POGZ: variants seen among roughly 807,000 people sequenced by gnomAD.
POGZ encodes pogo transposable element with ZNF domain.
POGZ carries 17 observed loss-of-function variants against 134.6 expected under a neutral mutation model. The ratio of observed to expected loss-of-function variants is 0.13; its 90% CI spans 0.09 to 0.19. POGZ has a LOEUF of 0.19. POGZ is among the 10% of genes least tolerant of loss of function. The probability of loss-of-function intolerance (pLI) is 1.00; values close to 1 mark genes in which losing one functional copy is unlikely to be tolerated. For synonymous variants in POGZ, 693 were observed against 657.1 expected (o/e 1.05, Z -0.84); for missense variants, 1,306 against 1,769.7 (o/e 0.74, Z 4.70).
At position 151,412,340 on chromosome 1, in the gene POGZ, T is replaced by A; in HGVS notation, c.1735A>T (p.Met579Leu). ...TCTCCAGGCTTATGAGTATCCTTCA[T>A]ATGCTGGAGAAATAGTGGCTCACTT... ...FESEPLFLQHMKDTHKPGEMP... is the reference protein window; with the variant it reads ...FESEPLFLQHLKDTHKPGEMP... The change falls in exon 11 of 19, where the codon ATG becomes TTG. Residue 579 changes from methionine to leucine, a missense_variant. Around this residue, in one of 10 missense-constraint regions of POGZ, gnomAD observed 149 missense variants for 237.5 expected, o/e 0.63. Transcript: ENST00000271715. 1 of 1,611,090 alleles carries A rather than the reference T, an allele frequency of 6.2e-7. No homozygotes were observed. The highest frequency in any genetic ancestry group is 8.5e-7 in the Non-Finnish European group (1 of 1,177,452).
Position 151,404,128 on chromosome 1 carries a change from C to T in POGZ, c.*674G>A. On this transcript the variant is annotated 3_prime_UTR_variant, in exon 19 of 19. Transcript: ENST00000271715. ...GTGGTTTCATGCATTTTTAAAGCCA[C>T]AATTTTATATCTAGGGTTGCTGTAG... The T allele has an allele frequency of 1.0e-6, 1 of 985,266 alleles. No individual in the cohort carries two copies. The highest frequency in any genetic ancestry group is 1.2e-6 in the Non-Finnish European group (1 of 829,754). 61.0% of individuals were successfully genotyped at this position (985,266 alleles called of 1,614,324 possible).
Position 151,404,442 on chromosome 1 carries a change from G to A in POGZ, c.*360C>T. On this transcript the variant is annotated 3_prime_UTR_variant, in exon 19 of 19. Coordinates refer to ENST00000271715, the MANE Select transcript of POGZ (RefSeq NM_015100.4). The stretch of plus-strand genomic sequence containing the variant: ...CTATGATACAATTGAGGTAAAAGGG[G>A]AAACAAAAAAATTTAACATTTGCCC... 4 of 1,004,158 alleles carry A rather than the reference G, an allele frequency of 4.0e-6. No individual in the cohort carries two copies. Among genetic ancestry groups the A allele is most frequent in the Non-Finnish European group, 4.8e-6 (4 of 841,334 alleles). 62.2% of individuals were successfully genotyped at this position (1,004,158 alleles called of 1,614,324 possible).
chr1:151,405,151 T>A lies in POGZ; in HGVS notation c.3884A>T (p.Asp1295Val), dbSNP rs759690620. 1.2e-6 allele frequency: 2 copies of A among 1,614,182 alleles called. No homozygotes were observed. The highest frequency in any genetic ancestry group is 2.2e-5 in the South Asian group (2 of 91,080). ...GACAAGCACCAGCTGAAGCAGGACA[T>A]CAGAATCACATGCAGTATCTGCCAT... is the stretch of plus-strand genomic sequence containing the variant. ...REMADTACDS[D>V]VLLQLVLVWL... The change falls in exon 19 of 19, where the codon GAT (aspartate) becomes GTT (valine). Residue 1295 changes from aspartate (D) to valine (V), a missense_variant. Around this residue, in one of 10 missense-constraint regions of POGZ, gnomAD observed 67 missense variants for 105.8 expected, o/e 0.63. Transcript: ENST00000271715. The surrounding 1 kb of genome is among the most constrained non-coding windows in gnomAD (Gnocchi z 4.9).
chr1:151,459,086 G>A (rs1424313258), intron 1 of POGZ, 66 bp downstream of exon 1: 1 of 149,626 alleles, frequency 6.7e-6, no homozygotes, highest in African/African-American at 2.4e-5. Flanking sequence ...GCCTCGCCGA[G>A]CGAAAAGATA....
At chr1:151,417,026 G>A (rs984525771) in intron 10 of POGZ, among the ~76,000 whole-genome samples, 11 of 151,752 alleles carry the variant, frequency 7.2e-5, no homozygotes, top group Admixed American at 5.9e-4. Context: ...AATAAAGTAG[G>A]TATTGAATGT....
chr1:151,421,006 T>TATATAC (rs112815385), intron 10 of POGZ, among the ~76,000 whole-genome samples: 2 of 149,598 alleles, frequency 1.3e-5, no homozygotes, highest in African/African-American at 2.4e-5. Context: ...TATATATATA[T>TATATAC]ACCTATGATA....
At chr1:151,406,825 A>T in intron 17 of POGZ, 86 bp downstream of exon 17, 1 of 1,078,322 alleles carries the variant, frequency 9.3e-7, no homozygotes, top group Non-Finnish European at 1.4e-6. Flanking sequence ...GAGTGAGGCC[A>T]AGTAGGTATG....
At position 151,459,305 on chromosome 1, in the gene POGZ, C is replaced by T. The variant is rs915325821; in HGVS notation, c.-155G>A. 3 of 151,724 alleles carry T rather than the reference C, an allele frequency of 2.0e-5. No homozygotes were observed. The highest frequency in any genetic ancestry group is 6.6e-5 in the Admixed American group (1 of 15,226). 9.4% of individuals were successfully genotyped at this position (151,724 alleles called of 1,614,324 possible). On this transcript the variant is annotated 5_prime_UTR_variant, in exon 1 of 19. Transcript: ENST00000271715. ...AGAGGTAACCGTTGAAAGCTCGTCT[C>T]CCCAAGGGTGAAAGGAAGCCTCCCT...
chr1:151,411,568 T>A (rs958298516), intron 12 of POGZ, 57 bp downstream of exon 12: 52 of 1,274,838 alleles, frequency 4.1e-5, no homozygotes, highest in Non-Finnish European at 5.5e-5. Context: ...GGCCCCAGCA[T>A]CCATGTTTAA....
chr1:151,424,142 G>A lies in POGZ; in HGVS notation c.1330C>T (p.Leu444=), dbSNP rs763649109. 1.2e-6 allele frequency: 2 copies of A among 1,614,168 alleles called. No homozygotes were observed. Among genetic ancestry groups the A allele is most frequent in the South Asian group, 1.1e-5 (1 of 91,080 alleles). ...STPSSTPIPA[L]SPPTKVPEPN... is the part of the protein sequence containing the mutation. Reference sequence around the variant, plus strand: ...TCTGGTACTTTGGTAGGCGGTGACAGAGCAGGAATAGGTGTAGAAGAGGGT... The same window carrying A: ...TCTGGTACTTTGGTAGGCGGTGACAAAGCAGGAATAGGTGTAGAAGAGGGT... Residue 444 remains leucine (L), a synonymous_variant, in exon 9 of 19, where the codon CTG becomes TTG. Coordinates refer to ENST00000271715, the MANE Select transcript of POGZ (RefSeq NM_015100.4).
intron 1 of POGZ, among the ~76,000 whole-genome samples, chr1:151,458,752 G>T (rs1280317006): frequency 6.9e-6 from 1 of 145,572 alleles, no homozygotes; most frequent in African/African-American, 2.5e-5. Context: ...CCTCCGAGAC[G>T]CCTCGCGCCG....
At position 151,428,417 on chromosome 1, in the gene POGZ, T is replaced by C. The variant is rs200194406; in HGVS notation, c.569-4A>G. 1 of 1,612,450 alleles carries C rather than the reference T, an allele frequency of 6.2e-7. No individual in the cohort carries two copies. The highest frequency in any genetic ancestry group is 8.5e-7 in the Non-Finnish European group (1 of 1,178,584). ...TTAACAAACTGGGTACCTGGGGCTT[T>C]AAAAGAGAGACAAAGTACCAGATCT... On this transcript the variant is annotated splice_polypyrimidine_tract_variant and splice_region_variant and intron_variant, in intron 5 of 18. Coordinates refer to ENST00000271715, the MANE Select transcript of POGZ (RefSeq NM_015100.4).
intron 1 of POGZ, among the ~76,000 whole-genome samples, chr1:151,447,658 T>A (rs1661472326): frequency 6.9e-6 from 1 of 145,442 alleles, no homozygotes; most frequent in African/African-American, 2.5e-5. Context: ...TTTTTTTTTT[T>A]TTTTTTTTTT....
Position 151,411,652 on chromosome 1 carries a change from T to C in POGZ, c.1899A>G (p.Ala633=). ...GGTGCCTCATGTAATGCTGTTGGAA[T>C]GCATTGCCATTTTTGAAGACCTTCA... ...YCLKVFKNGN[A]FQQHYMRHQK... The change falls in exon 12 of 19, where the codon GCA becomes GCG. Residue 633 remains alanine, a synonymous_variant. Coordinates refer to ENST00000271715, the MANE Select transcript of POGZ (RefSeq NM_015100.4). The C allele has an allele frequency of 6.2e-7, 1 of 1,612,438 alleles. No individual in the cohort carries two copies. Among genetic ancestry groups the C allele is most frequent in the Non-Finnish European group, 8.5e-7 (1 of 1,179,298 alleles).
At chr1:151,444,979 G>C (rs72710150) in intron 1 of POGZ, among the ~76,000 whole-genome samples, 2,408 of 152,146 alleles carry the variant, frequency 0.016, 21 homozygotes, top group Middle Eastern at 0.024. Context: ...GTGAGCTCGA[G>C]GTTACAGTAA....
intron 1 of POGZ, among the ~76,000 whole-genome samples, chr1:151,443,377 C>T (rs1475932142): frequency 6.6e-6 from 1 of 152,146 alleles, no homozygotes; most frequent in Non-Finnish European, 1.5e-5. Context: ...AATTTGAAAA[C>T]ACTGCCTAAA....
chr1:151,408,599 TA>T lies in POGZ; in HGVS notation c.2062-19del. The stretch of plus-strand genomic sequence containing the variant: ...ATTGTCACCTGAGAACCAAGGGAAG[TA>T]ACAATGAGACATCACCCACACTAAA... On this transcript the variant is annotated intron_variant, in intron 13 of 18. Transcript: ENST00000271715. 1 of 1,610,196 alleles carries T rather than the reference TA, an allele frequency of 6.2e-7. No individual in the cohort carries two copies. Among genetic ancestry groups the T allele is most frequent in the Non-Finnish European group, 8.5e-7 (1 of 1,179,040 alleles).
chr1:151,419,129 A>T (rs978104377), intron 10 of POGZ, among the ~76,000 whole-genome samples: 1 of 151,354 alleles, frequency 6.6e-6, no homozygotes, highest in East Asian at 1.9e-4. Context: ...CGATGCAGGT[A>T]TATCATTTAA....
chr1:151,453,404 C>G (rs1307950880), intron 1 of POGZ, among the ~76,000 whole-genome samples: 1 of 151,906 alleles, frequency 6.6e-6, no homozygotes, highest in Non-Finnish European at 1.5e-5. Context: ...ATTCCCAGGA[C>G]CAATTTTCAT....
Sources: gnomAD v4.1 joint callset for allele counts (sites outside exome capture counted in the v4.1 genomes callset) on GRCh38, gnomAD v4.1.1 for gene constraint, gnomAD v4.1.1 regional missense constraint, Gnocchi (gnomAD v3.1) non-coding constraint, MANE v1.5 for transcripts, NCBI Gene and HGNC (gene_info 2026-07-23, HGNC 2026-07-21) for gene names.